PLCG2: variants seen among roughly 807,000 people sequenced by gnomAD.
PLCG2 encodes the protein 1-phosphatidylinositol 4,5-bisphosphate phosphodiesterase gamma-2.
Under a neutral mutation model 175.6 loss-of-function variants are expected in PLCG2, and 69 were observed. The ratio of observed to expected loss-of-function variants is 0.39; its 90% CI spans 0.32 to 0.48. The LOEUF is 0.48. Among genes scored for constraint, PLCG2 ranks in the 20% least tolerant of loss-of-function variants. The pLI, the probability that PLCG2 is intolerant of heterozygous loss-of-function variation, is 0.91. For missense variants in PLCG2, 1,798 were observed against 1,650.9 expected (o/e 1.09, Z -1.54); for synonymous variants, 827 against 624.0 (o/e 1.33, Z -4.85).
intron 29 of PLCG2, 32 bp from the exon 30 acceptor site, chr16:81,939,860 G>T (rs770433315): frequency 6.6e-7 from 1 of 1,524,994 alleles, no homozygotes; most frequent in African/African-American, 1.4e-5. Context: ...CAGCTCCAAT[G>T]TGGCCTCTCA....
intron 2 of PLCG2, among the ~76,000 whole-genome samples, chr16:81,822,080 G>A (rs1347868045): frequency 6.6e-6 from 1 of 152,148 alleles, no homozygotes; most frequent in Non-Finnish European, 1.5e-5. Context: ...CTGCAAATAG[G>A]GAGTGTCTTT....
intron 2 of PLCG2, among the ~76,000 whole-genome samples, chr16:81,797,263 C>T (rs1339492587): frequency 6.7e-6 from 1 of 149,962 alleles, no homozygotes; most frequent in Non-Finnish European, 1.5e-5. Flanking sequence ...TAAAGATGTC[C>T]CTTGGTGAAT....
At chr16:81,904,733 A>C (rs1909292641) in intron 14 of PLCG2, among the ~76,000 whole-genome samples, 1 of 152,228 alleles carries the variant, frequency 6.6e-6, no homozygotes, top group African/African-American at 2.4e-5. Flanking sequence ...CTCAACAGGA[A>C]GCAAAACAAC....
intron 2 of PLCG2, among the ~76,000 whole-genome samples, chr16:81,771,437 C>T (rs993853637): frequency 6.6e-6 from 1 of 152,170 alleles, no homozygotes; most frequent in Non-Finnish European, 1.5e-5. Flanking sequence ...TTCCCTCTCT[C>T]TGGTGCTGTT....
At chr16:81,896,217 C>A (rs1007273892) in intron 13 of PLCG2, among the ~76,000 whole-genome samples, 5 of 152,148 alleles carry the variant, frequency 3.3e-5, no homozygotes, top group Non-Finnish European at 5.9e-5. Context: ...GTCTGGCCCC[C>A]ACTTTCAGAA....
intron 31 of PLCG2, among the ~76,000 whole-genome samples, chr16:81,948,223 GTAAA>G (rs1246341811): frequency 2.2e-5 from 3 of 135,624 alleles, no homozygotes; most frequent in South Asian, 2.1e-4. Flanking sequence ...TTCTCTGCAA[GTAAA>G]TAGTTTCTCC....
chr16:81,772,479 G>T (rs182060579), intron 2 of PLCG2, among the ~76,000 whole-genome samples: 2 of 151,914 alleles, frequency 1.3e-5, no homozygotes. Flanking sequence ...GGTAAGACAC[G>T]GGGCCTGGTA....
intron 26 of PLCG2, chr16:81,935,714 C>A: frequency 1.0e-6 from 1 of 985,294 alleles, no homozygotes; most frequent in Non-Finnish European, 1.2e-6. Context: ...TCCTGTTCTC[C>A]CTTCCCTGCA....
intron 5 of PLCG2, among the ~76,000 whole-genome samples, chr16:81,865,766 A>G (rs1907199227): frequency 7.1e-6 from 1 of 140,838 alleles, no homozygotes; most frequent in African/African-American, 2.7e-5. Flanking sequence ...GCGTGAGAGG[A>G]CGCTGGCCTC....
chr16:81,836,671 G>C (rs928543023), intron 2 of PLCG2, among the ~76,000 whole-genome samples: 23 of 152,154 alleles, frequency 1.5e-4, no homozygotes, highest in African/African-American at 5.3e-4. Context: ...AACTCAGGAG[G>C]CTGAGGTGCA....
intron 18 of PLCG2, among the ~76,000 whole-genome samples, chr16:81,911,664 G>A (rs549808670): frequency 1.3e-5 from 2 of 152,102 alleles, no homozygotes; most frequent in Admixed American, 6.5e-5. Flanking sequence ...AGGCTGGAGT[G>A]CAATGGCACG....
At chr16:81,876,773 G>GT (rs1907811466) in intron 7 of PLCG2, among the ~76,000 whole-genome samples, 1 of 152,176 alleles carries the variant, frequency 6.6e-6, no homozygotes, top group African/African-American at 2.4e-5. Flanking sequence ...TGCCACCCCT[G>GT]TCCCTTGGTT....
At position 81,938,819 on chromosome 16, in the gene PLCG2, C is replaced by T; in HGVS notation, c.3217C>T (p.Leu1073Phe). The T allele has an allele frequency of 1.2e-6, 2 of 1,608,880 alleles. No homozygotes were observed. The highest frequency in any genetic ancestry group is 1.7e-6 in the Non-Finnish European group (2 of 1,177,450). Residue 1073 changes from leucine (L) to phenylalanine (F), a missense_variant, in exon 29 of 33, where the codon CTC becomes TTC. Coordinates refer to ENST00000564138, the MANE Select transcript of PLCG2 (RefSeq NM_002661.5). The stretch of plus-strand genomic sequence containing the variant: ...GTCCCAGGTTCTCGGTGCTCGCCAT[C>T]TCCCCAAACTTGGACGAAGTATTGC... ...LTVKVLGARH[L>F]PKLGRSIACP...
chr16:81,805,762 G>GTT (rs1567473489), intron 2 of PLCG2, among the ~76,000 whole-genome samples: 5 of 38,890 alleles, frequency 1.3e-4, no homozygotes, highest in African/African-American at 6.8e-4. Context: ...GTAGTGTTTT[G>GTT]TTTTGTTTTT....
At chr16:81,903,048 G>A (rs1307658171) in intron 14 of PLCG2, among the ~76,000 whole-genome samples, 1 of 152,152 alleles carries the variant, frequency 6.6e-6, no homozygotes, top group Admixed American at 6.5e-5. Context: ...TTTGGGTGGG[G>A]ACACAGCCAA....
chr16:81,939,307 C>G (rs1234304090), intron 29 of PLCG2, among the ~76,000 whole-genome samples: 1 of 152,106 alleles, frequency 6.6e-6, no homozygotes, highest in African/African-American at 2.4e-5. Context: ...AGATCTTAGC[C>G]CCTAGAGGGC....
At position 81,854,333 on chromosome 16, in the gene PLCG2, T is replaced by C. The variant is rs4522412; in HGVS notation, c.194-111T>C. ...CAGACGCAGAGATAGCTTTGCGGGATCCTGTTGGGGAAGGAAGGAGCCAGG... is the reference window on the plus strand; with the variant it reads ...CAGACGCAGAGATAGCTTTGCGGGACCCTGTTGGGGAAGGAAGGAGCCAGG... On this transcript the variant is annotated intron_variant, in intron 2 of 32. Coordinates refer to ENST00000564138, the MANE Select transcript of PLCG2 (RefSeq NM_002661.5). 0.29 allele frequency: 269,104 copies of C among 933,232 alleles called. 41,065 individuals are homozygous for C. The highest frequency in any genetic ancestry group is 0.32 in the Non-Finnish European group (184,860 of 584,114). The allele number at this position is 933,232 out of a possible 1,614,324, so 57.8% of individuals were successfully genotyped here.
intron 2 of PLCG2, among the ~76,000 whole-genome samples, chr16:81,836,517 G>T (rs1056577521): frequency 5.3e-5 from 8 of 152,140 alleles, no homozygotes; most frequent in African/African-American, 1.9e-4. Flanking sequence ...GAGGTGGGTG[G>T]ATCACCTGAG....
chr16:81,880,608 T>G (rs779792538), intron 7 of PLCG2, among the ~76,000 whole-genome samples: 23 of 152,212 alleles, frequency 1.5e-4, no homozygotes, highest in Non-Finnish European at 2.4e-4. Flanking sequence ...AATGTTATAA[T>G]ATGATATGAT....
Sources: gnomAD v4.1 joint callset for allele counts (sites outside exome capture counted in the v4.1 genomes callset) on GRCh38, gnomAD v4.1.1 for gene constraint, MANE v1.5 for transcripts, NCBI Gene and HGNC (gene_info 2026-07-23, HGNC 2026-07-21) for gene names.